CLSTN2: variants seen among roughly 807,000 people sequenced by gnomAD.
The protein encoded by CLSTN2 is calsyntenin 2.
In CLSTN2, 48 loss-of-function variants were observed where a neutral mutation model predicts 101.2. That is an observed-to-expected ratio of 0.47 (90% CI 0.38 to 0.60). The LOEUF (loss-of-function observed/expected upper bound fraction) is 0.60, where lower values mean the gene tolerates loss of function less well. CLSTN2 is among the 20% of genes least tolerant of loss of function. The pLI is 0.00. For missense variants in CLSTN2, 1,160 were observed against 1,238.2 expected (o/e 0.94, Z 0.95); for synonymous variants, 481 against 463.6 (o/e 1.04, Z -0.48).
At chr3:140,420,354 T>G (rs1399930484) in intron 4 of CLSTN2, among the ~76,000 whole-genome samples, 1 of 152,200 alleles carries the variant, frequency 6.6e-6, no homozygotes, top group African/African-American at 2.4e-5. Context: ...CTATTAGAAT[T>G]TAAAGCTTAA....
At chr3:139,997,007 A>G (rs2006681886) in intron 1 of CLSTN2, among the ~76,000 whole-genome samples, 2 of 145,416 alleles carry the variant, frequency 1.4e-5, no homozygotes, top group Non-Finnish European at 3.0e-5. Context: ...AGATCGCGCC[A>G]TTGCACTCCA....
chr3:140,522,448 T>C (rs1203042222), intron 8 of CLSTN2, among the ~76,000 whole-genome samples: 9 of 152,204 alleles, frequency 5.9e-5, no homozygotes, highest in African/African-American at 1.7e-4. Context: ...GGTAAACAGC[T>C]CTCTGTTTCA....
At chr3:140,276,673 A>C (rs539484993) in intron 2 of CLSTN2, among the ~76,000 whole-genome samples, 143 of 152,296 alleles carry the variant, frequency 9.4e-4, no homozygotes, top group African/African-American at 3.1e-3. Context: ...TAGGGTGACT[A>C]TCCTGCTTTG....
intron 8 of CLSTN2, among the ~76,000 whole-genome samples, chr3:140,502,604 A>C (rs568075434): frequency 4.6e-5 from 7 of 152,266 alleles, no homozygotes; most frequent in Non-Finnish European, 1.0e-4. Flanking sequence ...TGAGAGAATC[A>C]GAAATCAGAG....
chr3:140,149,294 G>A (rs915974247), intron 1 of CLSTN2, among the ~76,000 whole-genome samples: 1 of 152,140 alleles, frequency 6.6e-6, no homozygotes, highest in Non-Finnish European at 1.5e-5. Flanking sequence ...GATAAAGCTT[G>A]GGTGCAGGTA....
intron 9 of CLSTN2, among the ~76,000 whole-genome samples, chr3:140,533,630 G>A (rs963030519): frequency 6.8e-6 from 1 of 147,968 alleles, no homozygotes; most frequent in Admixed American, 6.8e-5. Context: ...AGAATGGCAT[G>A]AACCCGGGAG....
intron 5 of CLSTN2, among the ~76,000 whole-genome samples, chr3:140,442,415 A>T (rs929816548): frequency 6.6e-6 from 1 of 152,150 alleles, no homozygotes; most frequent in Non-Finnish European, 1.5e-5. Context: ...AAGCCACAGT[A>T]AAGCCTTGTG....
intron 2 of CLSTN2, among the ~76,000 whole-genome samples, chr3:140,285,048 G>T (rs1216913588): frequency 1.3e-5 from 2 of 152,010 alleles, no homozygotes; most frequent in African/African-American, 4.8e-5. Flanking sequence ...ATACAAAAGG[G>T]CATCCTGGAG....
At chr3:140,110,347 A>G (rs1236807060) in intron 1 of CLSTN2, among the ~76,000 whole-genome samples, 1 of 152,214 alleles carries the variant, frequency 6.6e-6, no homozygotes, top group South Asian at 2.1e-4. Context: ...CTACTCCATA[A>G]GAGAAACCTC....
At chr3:140,377,432 G>T (rs2087929376) in intron 2 of CLSTN2, among the ~76,000 whole-genome samples, 4 of 152,272 alleles carry the variant, frequency 2.6e-5, no homozygotes, top group Admixed American at 6.5e-5. Context: ...AGGCATTGTT[G>T]TCCTAGGAGA....
intron 2 of CLSTN2, among the ~76,000 whole-genome samples, chr3:140,320,841 C>T (rs903437040): frequency 7.9e-5 from 12 of 152,016 alleles, no homozygotes; most frequent in Non-Finnish European, 1.5e-5. Context: ...TAGACAGCGG[C>T]AGTGAGGGAA....
chr3:140,079,758 AAAAG>A (rs2008555550), intron 1 of CLSTN2, among the ~76,000 whole-genome samples: 2 of 149,846 alleles, frequency 1.3e-5, no homozygotes, highest in Non-Finnish European at 1.5e-5. Context: ...CTCAAAAAAA[AAAAG>A]AAAGAAAAAA....
chr3:140,044,036 C>A (rs1413620312), intron 1 of CLSTN2, among the ~76,000 whole-genome samples: 1 of 151,902 alleles, frequency 6.6e-6, no homozygotes, highest in African/African-American at 2.4e-5. Flanking sequence ...ATGAACTTTA[C>A]TTAAAGTAGT....
At chr3:140,151,389 A>G (rs964253670) in intron 1 of CLSTN2, among the ~76,000 whole-genome samples, 2 of 152,058 alleles carry the variant, frequency 1.3e-5, no homozygotes, top group Non-Finnish European at 2.9e-5. Context: ...GGGAATACCC[A>G]TAACACCTCA....
At chr3:140,041,403 G>T (rs1415779549) in intron 1 of CLSTN2, among the ~76,000 whole-genome samples, 2 of 152,140 alleles carry the variant, frequency 1.3e-5, no homozygotes, top group Non-Finnish European at 2.9e-5. Flanking sequence ...TCCATATCCA[G>T]GAAGTTGGGA....
chr3:140,363,608 TAGGCAC>T (rs2087753649), intron 2 of CLSTN2, among the ~76,000 whole-genome samples: 1 of 60,022 alleles, frequency 1.7e-5, no homozygotes, highest in Non-Finnish European at 5.8e-5. Flanking sequence ...AGGGACCCGG[TAGGCAC>T]TTAGGGTTCT....
chr3:140,567,072 ACACAACAAGGACAGT>A lies in CLSTN2; in HGVS notation c.*833_*847del, dbSNP rs1242504297. On this transcript the variant is annotated 3_prime_UTR_variant, in exon 17 of 17. Transcript: ENST00000458420. ...TCCACACAGGCACTGCCCCAGGACA[ACACAACAAGGACAGT>A]CACAACAAGGACAACAAGGACACAA... is the stretch of plus-strand genomic sequence containing the variant. 3 of 151,014 alleles carry A rather than the reference ACACAACAAGGACAGT, an allele frequency of 2.0e-5. No homozygotes were observed. Among genetic ancestry groups the A allele is most frequent in the East Asian group, 1.9e-4 (1 of 5,204 alleles). 9.4% of individuals were successfully genotyped at this position (151,014 alleles called of 1,614,324 possible).
In CLSTN2 at chr3:140,183,513, C is replaced by T. The variant is rs185484473; in HGVS notation, c.232+7440C>T. Among the ~76,000 whole-genome samples, 30 of 152,274 alleles carry T rather than the reference C, an allele frequency of 2.0e-4. No individual in the cohort carries two copies. The East Asian group carries it at 5.6e-3, about 28-fold the overall frequency. On this transcript the variant is annotated intron_variant, in intron 2 of 16. Coordinates refer to ENST00000458420, the MANE Select transcript of CLSTN2 (RefSeq NM_022131.3). Reference sequence around the variant, plus strand: ...ACTCTGAGTTAATGACAATACTCTACTAAAACAAGATGAAAAGTGAATAAT... The same window carrying T: ...ACTCTGAGTTAATGACAATACTCTATTAAAACAAGATGAAAAGTGAATAAT...
intron 9 of CLSTN2, among the ~76,000 whole-genome samples, chr3:140,536,329 G>A (rs1935358822): frequency 6.6e-6 from 1 of 151,948 alleles, no homozygotes. Flanking sequence ...GTAAATTTTA[G>A]AACATCTCCC....
Sources: allele counts gnomAD v4.1 joint callset (sites outside exome capture counted in the v4.1 genomes callset), GRCh38; gene constraint gnomAD v4.1.1; transcripts MANE v1.5; gene names NCBI Gene and HGNC (gene_info 2026-07-23, HGNC 2026-07-21).